Variants in EIF4G3 observed in about 807,000 individuals in gnomAD.
EIF4G3 encodes the protein eIF-4-gamma 3.
A neutral mutation model predicts 186.4 loss-of-function variants in EIF4G3; 34 were observed. That is an observed-to-expected ratio of 0.18 (90% CI 0.14 to 0.24). The LOEUF (loss-of-function observed/expected upper bound fraction) is 0.24, where lower values mean the gene tolerates loss of function less well. EIF4G3 is among the 10% of genes least tolerant of loss of function. EIF4G3 has a pLI of 1.00. For synonymous variants in EIF4G3, 673 were observed against 679.5 expected (o/e 0.99, Z 0.15); for missense variants, 1,536 against 1,948.5 (o/e 0.79, Z 3.99).
Position 20,941,621 on chromosome 1 carries a change from G to A in EIF4G3, c.1533C>T (p.Asp511=), listed in dbSNP as rs201544915. ...AITVQRVLEE[D]ESIRTCLSED... Reference sequence around the variant, plus strand: ...CACTAAGGCAAGTTCTTATGCTCTCGTCCTCCTCTAGGACTCTCTGGACTG... The same window carrying A: ...CACTAAGGCAAGTTCTTATGCTCTCATCCTCCTCTAGGACTCTCTGGACTG... The change falls in exon 14 of 37, where the codon GAC becomes GAT. Residue 511 remains aspartate, a synonymous_variant. Transcript: ENST00000602326. The A allele has an allele frequency of 1.4e-5, 23 of 1,614,074 alleles. No individual in the cohort carries two copies. Among genetic ancestry groups the A allele is most frequent in the Non-Finnish European group, 1.9e-5 (22 of 1,180,016 alleles).
chr1:21,171,747 C>A (rs973428900), intron 2 of EIF4G3, among the ~76,000 whole-genome samples: 3 of 152,168 alleles, frequency 2.0e-5, no homozygotes, highest in African/African-American at 7.2e-5. Flanking sequence ...CTAGACCCTA[C>A]ATTTCAGAGA....
At chr1:20,991,454 G>T (rs1346229872) in intron 7 of EIF4G3, among the ~76,000 whole-genome samples, 1 of 152,048 alleles carries the variant, frequency 6.6e-6, no homozygotes, top group Non-Finnish European at 1.5e-5. Flanking sequence ...TGTAGTTCCA[G>T]CTACTCAGGA....
At chr1:20,879,843 A>C (rs1006952791) in intron 19 of EIF4G3, among the ~76,000 whole-genome samples, 1 of 152,168 alleles carries the variant, frequency 6.6e-6, no homozygotes, top group African/African-American at 2.4e-5. Flanking sequence ...TGAACCAGTA[A>C]TTACACTTTT....
intron 19 of EIF4G3, among the ~76,000 whole-genome samples, chr1:20,881,524 T>G (rs2082312556): frequency 6.6e-6 from 1 of 152,200 alleles, no homozygotes. Context: ...TGGTGGCTCA[T>G]GCCTATAATC....
intron 4 of EIF4G3, among the ~76,000 whole-genome samples, chr1:21,006,534 T>A (rs2085131494): frequency 6.6e-6 from 1 of 152,270 alleles, no homozygotes; most frequent in South Asian, 2.1e-4. Flanking sequence ...ATTAATTTTA[T>A]GTTTCAATAA....
chr1:21,112,613 T>C (rs752683266), intron 2 of EIF4G3, among the ~76,000 whole-genome samples: 6 of 152,208 alleles, frequency 3.9e-5, no homozygotes, highest in Non-Finnish European at 7.3e-5. Flanking sequence ...ATTTGGTTTT[T>C]CTGAGGTATA....
chr1:20,918,355 A>G (rs946579443), intron 14 of EIF4G3, among the ~76,000 whole-genome samples: 8 of 152,082 alleles, frequency 5.3e-5, no homozygotes, highest in African/African-American at 1.9e-4. Context: ...GACCACAGTC[A>G]CGCACCAGCA....
intron 10 of EIF4G3, among the ~76,000 whole-genome samples, chr1:20,978,819 A>G (rs1030224903): frequency 1.3e-5 from 2 of 152,178 alleles, no homozygotes; most frequent in African/African-American, 2.4e-5. Context: ...TCCCAAGACA[A>G]TATCAACCAA....
rs72654806 is a variant in EIF4G3 at position 21,007,854 on chromosome 1, G to A, written c.-66-5046C>T. On this transcript the variant is annotated intron_variant, in intron 4 of 36. Transcript: ENST00000602326. Reference sequence around the variant, plus strand: ...TACTTCAGAGACGGTTATAAAGAGTGTACAGGATACAACTTATAGGTTTTA... The same window carrying A: ...TACTTCAGAGACGGTTATAAAGAGTATACAGGATACAACTTATAGGTTTTA... Among the ~76,000 whole-genome samples the A allele has an allele frequency of 7.0e-3, 1,060 of 152,228 alleles. 4 individuals are homozygous for A. The highest frequency in any genetic ancestry group is 0.017 in the Middle Eastern group (5 of 294).
chr1:21,159,958 T>C (rs1474585591), intron 2 of EIF4G3, among the ~76,000 whole-genome samples: 1 of 151,974 alleles, frequency 6.6e-6, no homozygotes, highest in African/African-American at 2.4e-5. Flanking sequence ...TACAAAAAGT[T>C]AGCCAGGCAT....
intron 13 of EIF4G3, among the ~76,000 whole-genome samples, chr1:20,947,880 C>T (rs1391197109): frequency 6.6e-6 from 1 of 152,176 alleles, no homozygotes; most frequent in Non-Finnish European, 1.5e-5. Flanking sequence ...GAAATCAAGT[C>T]TGCATTCCTT....
intron 18 of EIF4G3, among the ~76,000 whole-genome samples, chr1:20,888,647 T>G (rs2084986287): frequency 6.6e-6 from 1 of 152,164 alleles, no homozygotes; most frequent in Admixed American, 6.5e-5. Context: ...TTAGTTTTGT[T>G]GTTTTCTCAT....
At chr1:20,863,450 T>A (rs2076856792) in intron 22 of EIF4G3, among the ~76,000 whole-genome samples, 1 of 147,954 alleles carries the variant, frequency 6.8e-6, no homozygotes, top group East Asian at 1.9e-4. Flanking sequence ...TTTTTCCTTT[T>A]TTTTTTTTTT....
intron 13 of EIF4G3, among the ~76,000 whole-genome samples, chr1:20,946,778 T>C (rs996638287): frequency 6.6e-6 from 1 of 152,078 alleles, no homozygotes; most frequent in African/African-American, 2.4e-5. Context: ...AGTCTGAGAA[T>C]GATTTCAAAT....
chr1:20,834,409 G>A (rs2066156322), intron 30 of EIF4G3, among the ~76,000 whole-genome samples: 1 of 152,190 alleles, frequency 6.6e-6, no homozygotes, highest in African/African-American at 2.4e-5. Flanking sequence ...CTGCACTCCA[G>A]CCTGGGTGAG....
chr1:21,029,626 A>AT (rs1212940863), intron 4 of EIF4G3, among the ~76,000 whole-genome samples: 3 of 152,066 alleles, frequency 2.0e-5, no homozygotes, highest in Non-Finnish European at 2.9e-5. Context: ...CATTAGTTTG[A>AT]TTTTTTTAAA....
At chr1:21,160,182 G>C (rs1390846656) in intron 2 of EIF4G3, among the ~76,000 whole-genome samples, 1 of 150,302 alleles carries the variant, frequency 6.7e-6, no homozygotes, top group African/African-American at 2.4e-5. Flanking sequence ...GATGGCCAAA[G>C]CTAGAACAAT....
At chr1:21,004,473 G>A (rs2084484436) in intron 4 of EIF4G3, among the ~76,000 whole-genome samples, 1 of 151,874 alleles carries the variant, frequency 6.6e-6, no homozygotes, top group Admixed American at 6.6e-5. Flanking sequence ...ACTGAACACT[G>A]TTGTTAGTTT....
intron 16 of EIF4G3, among the ~76,000 whole-genome samples, chr1:20,897,868 A>C (rs1235926204): frequency 6.6e-6 from 1 of 151,900 alleles, no homozygotes; most frequent in Non-Finnish European, 1.5e-5. Flanking sequence ...ATGGATGAAA[A>C]GAATTAAAAT....
Sources: allele counts gnomAD v4.1 joint callset (sites outside exome capture counted in the v4.1 genomes callset), GRCh38; gene constraint gnomAD v4.1.1; transcripts MANE v1.5; gene names NCBI Gene and HGNC (gene_info 2026-07-23, HGNC 2026-07-21).